Variants in MTA2 observed in about 807,000 individuals in gnomAD.
MTA2 encodes metastasis-associated protein MTA2.
A neutral mutation model predicts 87.1 loss-of-function variants in MTA2; 22 were observed. The ratio of observed to expected loss-of-function variants is 0.25; its 90% CI spans 0.18 to 0.36. MTA2 has a LOEUF of 0.36. MTA2 is among the 10% of genes least tolerant of loss of function. The probability of loss-of-function intolerance (pLI) is 1.00; values close to 1 mark genes in which losing one functional copy is unlikely to be tolerated. For missense variants in MTA2, 542 were observed against 853.2 expected, an observed-to-expected ratio of 0.64 and a Z score of 4.54; for synonymous variants, 314 against 310.1, an observed-to-expected ratio of 1.01 and a Z score of -0.13.
chr11:62,598,312 A>C lies in MTA2; in HGVS notation c.372+15T>G. The C allele has an allele frequency of 6.2e-7, 1 of 1,613,308 alleles. No homozygotes were observed. Among genetic ancestry groups the C allele is most frequent in the Non-Finnish European group, 8.5e-7 (1 of 1,179,416 alleles). ...ACCCATTCCCCTCGCTCTTCTCTCA[A>C]CATCTCTTTCTCACCTCCTTTTCCA... On this transcript the variant is annotated intron_variant, in intron 5 of 17. Coordinates refer to ENST00000278823, the MANE Select transcript of MTA2 (RefSeq NM_004739.4).
At position 62,596,527 on chromosome 11, in the gene MTA2, G is replaced by A. The variant is rs755741311; in HGVS notation, c.888C>T (p.Pro296=). Residue 296 remains proline (P), a synonymous_variant, in exon 10 of 18, where the codon CCC becomes CCT. Coordinates refer to ENST00000278823, the MANE Select transcript of MTA2 (RefSeq NM_004739.4). The part of the protein sequence containing the change: ...DFNDIRQDFL[P]WKSLASIVQF... ...GGACTATGCTGGCAAGTGACTTCCA[G>A]GGTAGCTAAGGGGGGCAGAGGGAGG... The A allele has an allele frequency of 1.2e-6, 2 of 1,614,168 alleles. No individual in the cohort carries two copies. Among genetic ancestry groups the A allele is most frequent in the Non-Finnish European group, 8.5e-7 (1 of 1,180,016 alleles).
chr11:62,598,480 C>T (rs1387202419), intron 4 of MTA2, 42 bp downstream of exon 4: 5 of 1,607,174 alleles, frequency 3.1e-6, no homozygotes, highest in Middle Eastern at 1.7e-4. Context: ...CCATCTTCTA[C>T]GTAAGTGCAC....
rs1565044198 is a variant in MTA2, at chr11:62,596,348, G to A, written c.958-11C>T. The A allele has an allele frequency of 3.1e-6, 5 of 1,613,984 alleles. No individual in the cohort carries two copies. Among genetic ancestry groups the A allele is most frequent in the East Asian group, 2.2e-5 (1 of 44,892 alleles). ...AGCTTTCAACCTTTTCTGTAAGAAGGTAAAAAGAAAGAGAAGGATCAGAGC... is the reference window on the plus strand; with the variant it reads ...AGCTTTCAACCTTTTCTGTAAGAAGATAAAAAGAAAGAGAAGGATCAGAGC... On this transcript the variant is annotated splice_polypyrimidine_tract_variant and intron_variant, in intron 10 of 17. Transcript: ENST00000278823.
chr11:62,600,168 G>A lies in MTA2; in HGVS notation c.188C>T (p.Ala63Val). The A allele has an allele frequency of 6.2e-7, 1 of 1,612,966 alleles. No homozygotes were observed. The highest frequency in any genetic ancestry group is 8.5e-7 in the Non-Finnish European group (1 of 1,178,982). The change falls in exon 3 of 18, where the codon GCC (alanine) becomes GTC (valine). Residue 63 changes from alanine to valine, a missense_variant and splice_region_variant. Physicochemically the swap from Ala to Val is moderately conservative, Grantham distance 64. Transcript: ENST00000278823. The stretch of plus-strand genomic sequence containing the variant: ...AAGAAAGGGAGGAAGATACTCACTG[G>A]CATTACTATCAGCCAGGCTGTTGAG... ...SSLNSLADSN[A>V]REFEEESKQP...
intron 8 of MTA2, 52 bp downstream of exon 8, chr11:62,597,264 G>A: frequency 7.7e-7 from 1 of 1,296,550 alleles, no homozygotes. Flanking sequence ...CCCAGGCTCT[G>A]CAAGTCCCCA....
chr11:62,593,795 G>T lies in MTA2; in HGVS notation c.*80C>A. The T allele has an allele frequency of 6.5e-7, 1 of 1,548,534 alleles. No homozygotes were observed. The highest frequency in any genetic ancestry group is 8.9e-7 in the Non-Finnish European group (1 of 1,129,836). ...CCTTAATTCACTCCTCACTCCCTTC[G>T]ACACGAAAGGGAAGGGAGGTTTGGG... On this transcript the variant is annotated 3_prime_UTR_variant, in exon 18 of 18. Transcript: ENST00000278823.
At position 62,601,681 on chromosome 11, in the gene MTA2, C is replaced by G. The variant is rs546808740; in HGVS notation, c.-231G>C. The G allele has an allele frequency of 3.5e-5, 19 of 537,020 alleles. No homozygotes were observed. The highest frequency in any genetic ancestry group is 5.8e-5 in the Non-Finnish European group (18 of 310,804). The allele number at this position is 537,020 out of a possible 1,614,324, so 33.3% of individuals were successfully genotyped here. On this transcript the variant is annotated 5_prime_UTR_variant, in exon 1 of 18. Coordinates refer to ENST00000278823, the MANE Select transcript of MTA2 (RefSeq NM_004739.4). ...CGGGACGCTGAGGCTGGCCCCCGTC[C>G]GCTCGGCTTCTTCCGGAACGAGCTC...
At chr11:62,598,721 A>G in intron 3 of MTA2, 82 bp from the exon 4 acceptor site, 3 of 1,266,050 alleles carry the variant, frequency 2.4e-6, no homozygotes, top group Non-Finnish European at 2.3e-6. Flanking sequence ...CAGGGAAAAT[A>G]TTTCCTATCT....
Position 62,595,583 on chromosome 11 carries a change from T to C in MTA2, c.1255-91A>G, listed in dbSNP as rs1465359559. ...TTCCCTGCAGGGGACAATTTATTCC[T>C]GTCTAATCTCTTTACTGACCTCTTG... On this transcript the variant is annotated intron_variant, in intron 13 of 17. Transcript: ENST00000278823. This position sits in a 1 kb window ranked among gnomAD's most constrained non-coding sequence, Gnocchi z 4.9. 2 of 1,532,944 alleles carry C rather than the reference T, an allele frequency of 1.3e-6. No homozygotes were observed. The highest frequency in any genetic ancestry group is 1.8e-6 in the Non-Finnish European group (2 of 1,121,910). 95.0% of individuals were successfully genotyped at this position (1,532,944 alleles called of 1,614,324 possible).
rs373025877 is a variant in MTA2 at position 62,595,520 on chromosome 11, G to A, written c.1255-28C>T. On this transcript the variant is annotated intron_variant, in intron 13 of 17. Coordinates refer to ENST00000278823, the MANE Select transcript of MTA2 (RefSeq NM_004739.4). The surrounding 1 kb of genome is among the most constrained non-coding windows in gnomAD (Gnocchi z 4.9). ...AGAAGAAGAGCATAGGAAAGAGAGA[G>A]AGCAGAAATCAGCACTGAGGCTCCC... 2.5e-6 allele frequency: 4 copies of A among 1,610,918 alleles called. No individual in the cohort carries two copies. In the African/African-American group the frequency reaches 5.4e-5, roughly 22 times the overall value.
Position 62,600,536 on chromosome 11 carries a change from GTATAGGATCC to G in MTA2, c.96+76_96+85del. ...ATGAACGAATATGAATGGGTACTTAGTATAGGATCCTCTCTTCCACCAGAAGTTAGAAACC... is the reference window on the plus strand; with the variant it reads ...ATGAACGAATATGAATGGGTACTTAGTCTCTTCCACCAGAAGTTAGAAACC... On this transcript the variant is annotated intron_variant, in intron 2 of 17. Transcript: ENST00000278823. The G allele has an allele frequency of 6.3e-6, 8 of 1,264,436 alleles. No homozygotes were observed. The South Asian group carries it at 1.1e-4, about 17-fold the overall frequency. 78.3% of individuals were successfully genotyped at this position (1,264,436 alleles called of 1,614,324 possible). A position where few individuals can be genotyped will look rare whatever the true frequency, so the allele number is the denominator to read the frequency against.
Position 62,594,192 on chromosome 11 carries a change from ACTC to A in MTA2, c.1841+64_1841+66del, listed in dbSNP as rs1590728840. On this transcript the variant is annotated intron_variant, in intron 17 of 17. Transcript: ENST00000278823. ...ACTTTCCTGGAGCTCTTGCTCTGAT[ACTC>A]CTACTCCCCACACTCACCAGCCTGG... The A allele has an allele frequency of 1.9e-6, 3 of 1,592,330 alleles. No individual in the cohort carries two copies. In the East Asian group the frequency reaches 6.7e-5, roughly 36 times the overall value.
chr11:62,597,790 T>C lies in MTA2; in HGVS notation c.491-78A>G, dbSNP rs1427019870. 3 of 1,150,078 alleles carry C rather than the reference T, an allele frequency of 2.6e-6. No individual in the cohort carries two copies. In the African/African-American group the frequency reaches 4.6e-5, roughly 18 times the overall value. 71.2% of individuals were successfully genotyped at this position (1,150,078 alleles called of 1,614,324 possible). Reference sequence around the variant, plus strand: ...GTGTCTTTTCATTCACAATAGCACCTCCTCCTTCTCTTCTTCTGCTTGGAT... The same window carrying C: ...GTGTCTTTTCATTCACAATAGCACCCCCTCCTTCTCTTCTTCTGCTTGGAT... On this transcript the variant is annotated intron_variant, in intron 6 of 17. Transcript: ENST00000278823.
chr11:62,599,623 TAAAG>T (rs147802644), intron 3 of MTA2, among the ~76,000 whole-genome samples: 140 of 117,078 alleles, frequency 1.2e-3, no homozygotes, highest in African/African-American at 4.6e-3. Flanking sequence ...GATGAGACCT[TAAAG>T]AGAATGAAGA....
chr11:62,600,333 A>G, intron 2 of MTA2, 74 bp from the exon 3 acceptor site: 1 of 1,337,786 alleles, frequency 7.5e-7, no homozygotes, highest in Non-Finnish European at 1.1e-6. Flanking sequence ...GAAATGCACA[A>G]AGAGACAAAT....
chr11:62,600,036 C>T (rs539744876), intron 3 of MTA2, 130 bp downstream of exon 3: 1 of 761,270 alleles, frequency 1.3e-6, no homozygotes, highest in South Asian at 1.8e-5. Context: ...CCTCCCTCCT[C>T]AGGCCAGGCA....
Position 62,594,353 on chromosome 11 carries a change from TC to T in MTA2, c.1746del (p.Ile583PhefsTer14). 1 of 1,614,068 alleles carries T rather than the reference TC, an allele frequency of 6.2e-7. No homozygotes were observed. Among genetic ancestry groups the T allele is most frequent in the Non-Finnish European group, 8.5e-7 (1 of 1,180,008 alleles). On this transcript the variant is annotated frameshift_variant, in exon 17 of 18. Coordinates refer to ENST00000278823, the MANE Select transcript of MTA2 (RefSeq NM_004739.4). LOFTEE classifies it high-confidence loss of function. ...FSANGRPLAS[G>X]IRSSSQPAAK... is the part of the protein sequence containing the mutation. ...GCTGCTGGCTGTGAGCTTGAACGAA[TC>T]CCTGAAGCCAGAGGCCTTCCATTGG... is the stretch of plus-strand genomic sequence containing the variant.
At chr11:62,599,456 G>A (rs1942145354) in intron 3 of MTA2, 1 of 152,182 alleles carries the variant, frequency 6.6e-6, no homozygotes, top group Non-Finnish European at 1.5e-5. Context: ...AAAGGGCCAA[G>A]GAACTTGGTA....
At chr11:62,597,214 A>AG (rs1228065383) in intron 8 of MTA2, 102 bp downstream of exon 8, 22 of 802,138 alleles carry the variant, frequency 2.7e-5, no homozygotes, top group Non-Finnish European at 4.3e-5. Flanking sequence ...AACAAAAAAA[A>AG]AACACTCCCA....
Sources: allele counts gnomAD v4.1 joint callset (sites outside exome capture counted in the v4.1 genomes callset), GRCh38; gene constraint gnomAD v4.1.1; non-coding constraint Gnocchi (gnomAD v3.1); transcripts MANE v1.5; gene names NCBI Gene and HGNC (gene_info 2026-07-23, HGNC 2026-07-21).